GRIA3: variants seen among roughly 807,000 people sequenced by gnomAD.
GRIA3 encodes glutamate receptor 3.
In GRIA3, 3 loss-of-function variants were observed where a neutral mutation model predicts 63.0. The observed-to-expected ratio is 0.05, with a 90% CI of 0.02 to 0.12. The LOEUF is 0.12. GRIA3 is among the 10% of genes least tolerant of loss of function. GRIA3 has a pLI of 1.00. For synonymous variants in GRIA3, 274 were observed against 257.9 expected (o/e 1.06, Z -0.60); for missense variants, 347 against 700.9 (o/e 0.50, Z 5.70).
intron 3 of GRIA3, among the ~76,000 whole-genome samples, chrX:123,292,283 A>G (rs1376955162): frequency 3.6e-5 from 4 of 111,201 alleles, no homozygotes; most frequent in African/African-American, 1.3e-4. Flanking sequence ...TTTTAATTGG[A>G]TTTGTGCCTG....
At chrX:123,341,032 T>G (rs1457102269) in intron 4 of GRIA3, among the ~76,000 whole-genome samples, 1 of 112,290 alleles carries the variant, frequency 8.9e-6, no homozygotes, top group Non-Finnish European at 1.9e-5. Context: ...CATTATTTGC[T>G]TGGCTCATCT....
At chrX:123,454,933 C>A (rs2045753554) in intron 12 of GRIA3, among the ~76,000 whole-genome samples, 1 of 111,754 alleles carries the variant, frequency 8.9e-6, no homozygotes, top group Non-Finnish European at 1.9e-5. Flanking sequence ...CTAGAAAGGT[C>A]TCAGGAAACT....
chrX:123,367,949 T>G (rs1167329841), intron 5 of GRIA3, among the ~76,000 whole-genome samples: 1 of 112,200 alleles, frequency 8.9e-6, no homozygotes, highest in Non-Finnish European at 1.9e-5. Context: ...AAACTAGTAA[T>G]CATATACTTT....
At chrX:123,194,601 CA>C (rs1179332730) in intron 2 of GRIA3, among the ~76,000 whole-genome samples, 1 of 112,100 alleles carries the variant, frequency 8.9e-6, no homozygotes, top group African/African-American at 3.2e-5. Flanking sequence ...TGAATTGGGC[CA>C]CTTGCTTTAG....
chrX:123,416,072 T>C (rs2045535348), intron 10 of GRIA3, among the ~76,000 whole-genome samples: 1 of 111,602 alleles, frequency 9.0e-6, no homozygotes, highest in Non-Finnish European at 1.9e-5. Flanking sequence ...ATGGGAATGG[T>C]GATTGTACCA....
chrX:123,429,735 A>C (rs2045607904), intron 12 of GRIA3, among the ~76,000 whole-genome samples: 1 of 112,252 alleles, frequency 8.9e-6, no homozygotes. Flanking sequence ...TAGGATATCA[A>C]GACACCAGAA....
intron 3 of GRIA3, among the ~76,000 whole-genome samples, chrX:123,312,337 G>A (rs187189443): frequency 2.8e-4 from 31 of 112,067 alleles, no homozygotes; most frequent in Middle Eastern, 4.6e-3. Context: ...CGGAATCTTC[G>A]TTTCCCACTA....
intron 5 of GRIA3, among the ~76,000 whole-genome samples, chrX:123,364,438 T>C (rs182203341): frequency 3.1e-3 from 343 of 112,282 alleles, no homozygotes; most frequent in Middle Eastern, 0.014. Flanking sequence ...AAATTTGATA[T>C]AGATGTTCTT....
chrX:123,219,521 T>G (rs1928240919), intron 2 of GRIA3, among the ~76,000 whole-genome samples: 1 of 112,169 alleles, frequency 8.9e-6, no homozygotes, highest in Non-Finnish European at 1.9e-5. Context: ...TGTAAAGAAT[T>G]CCATTATTCA....
chrX:123,273,015 C>A (rs1369636254), intron 3 of GRIA3, among the ~76,000 whole-genome samples: 1 of 111,523 alleles, frequency 9.0e-6, no homozygotes, highest in African/African-American at 3.3e-5. Context: ...GGGAGTCTTC[C>A]GTACCTCCTC....
chrX:123,441,409 A>G (rs1161608336), intron 12 of GRIA3, among the ~76,000 whole-genome samples: 6 of 111,760 alleles, frequency 5.4e-5, no homozygotes, highest in Non-Finnish European at 1.9e-5. Flanking sequence ...ATCAATATAT[A>G]GACTGCCAAG....
intron 3 of GRIA3, among the ~76,000 whole-genome samples, chrX:123,318,956 G>A (rs1309168219): frequency 8.9e-6 from 1 of 112,078 alleles, no homozygotes; most frequent in South Asian, 3.7e-4. Context: ...CGGAATCATG[G>A]CAGGAAGCAA....
intron 2 of GRIA3, among the ~76,000 whole-genome samples, chrX:123,238,225 C>G (rs1447666676): frequency 8.9e-6 from 1 of 111,744 alleles, no homozygotes; most frequent in Non-Finnish European, 1.9e-5. Flanking sequence ...CCTAAGCACT[C>G]CCATCTGAGA....
chrX:123,356,271 T>TTTCC (rs944387560), intron 5 of GRIA3, among the ~76,000 whole-genome samples: 1 of 110,255 alleles, frequency 9.1e-6, no homozygotes, highest in African/African-American at 3.3e-5. Context: ...TCCTTTCTGT[T>TTTCC]TTCCTTCCTT....
intron 2 of GRIA3, among the ~76,000 whole-genome samples, chrX:123,234,359 CT>C (rs1423236744): frequency 8.9e-5 from 10 of 112,075 alleles, no homozygotes. Flanking sequence ...ATGCCACTCT[CT>C]AAAGCTTCTA....
At chrX:123,349,104 G>C (rs956463109) in intron 4 of GRIA3, among the ~76,000 whole-genome samples, 1 of 112,003 alleles carries the variant, frequency 8.9e-6, no homozygotes, top group Non-Finnish European at 1.9e-5. Context: ...TTTAAGTAGT[G>C]ACTAGCTATA....
chrX:123,461,855 A>G (rs927236164), intron 12 of GRIA3, among the ~76,000 whole-genome samples: 8 of 111,410 alleles, frequency 7.2e-5, no homozygotes, highest in African/African-American at 2.6e-4. Flanking sequence ...TCATTACTAT[A>G]TTAGAAAAAA....
intron 3 of GRIA3, among the ~76,000 whole-genome samples, chrX:123,315,371 T>C (rs751749322): frequency 2.0e-3 from 227 of 112,207 alleles, no homozygotes; most frequent in South Asian, 0.011. Context: ...TATCAAACTC[T>C]TCACACACAG....
At chrX:123,236,144 C>T (rs2044300716) in intron 2 of GRIA3, among the ~76,000 whole-genome samples, 1 of 111,876 alleles carries the variant, frequency 8.9e-6, no homozygotes, top group Non-Finnish European at 1.9e-5. Flanking sequence ...CTCTGCACTT[C>T]GTTTACCCTC....
Sources: allele counts gnomAD v4.1 joint callset (sites outside exome capture counted in the v4.1 genomes callset), GRCh38; gene constraint gnomAD v4.1.1; transcripts MANE v1.5; gene names NCBI Gene and HGNC (gene_info 2026-07-23, HGNC 2026-07-21).